Variants in MFSD8 observed in about 807,000 individuals in gnomAD.
MFSD8 encodes the protein major facilitator superfamily domain containing 8, also known as major facilitator superfamily domain-containing protein 8.
MFSD8 carries 55 observed loss-of-function variants against 66.4 expected under a neutral mutation model. That is an observed-to-expected ratio of 0.83 (90% confidence interval 0.67 to 1.04). The LOEUF (loss-of-function observed/expected upper bound fraction) is 1.04, where lower values mean the gene tolerates loss of function less well. Among genes scored for constraint, MFSD8 ranks in the 50% least tolerant of loss-of-function variants. MFSD8 has a pLI of 0.00. For synonymous variants in MFSD8, 202 were observed against 212.8 expected (o/e 0.95, Z 0.44); for missense variants, 550 against 627.6 (o/e 0.88, Z 1.32).
chr4:127,920,003 T>C lies in MFSD8; in HGVS notation c.*627A>G, dbSNP rs2148835427. The C allele has an allele frequency of 6.4e-6, 1 of 155,996 alleles. No individual in the cohort carries two copies. Among genetic ancestry groups the C allele is most frequent in the Non-Finnish European group, 1.4e-5 (1 of 70,482 alleles). 9.7% of individuals were successfully genotyped at this position (155,996 alleles called of 1,614,324 possible). A position where few individuals can be genotyped will look rare whatever the true frequency, so the allele number is the denominator to read the frequency against. ...AGCATTATCCATACTCATTTATTAA[T>C]GTAGGGGTTACTTAGTGAAACCCTG... On this transcript the variant is annotated 3_prime_UTR_variant, in exon 12 of 12. Coordinates refer to ENST00000641686, the MANE Select transcript of MFSD8 (RefSeq NM_001371596.2).
rs141422574 is a variant in MFSD8, at chr4:127,921,927, G to A, written c.1035C>T (p.Ile345=). 3.7e-6 allele frequency: 6 copies of A among 1,613,966 alleles called. No individual in the cohort carries two copies. Among genetic ancestry groups the A allele is most frequent in the African/African-American group, 2.7e-5 (2 of 74,890 alleles). Reference sequence around the variant, plus strand: ...AGATAAAGAAGCCAACCCATACAACGATGAGTCCTCCCAGTAGAATAGCAC... The same window carrying A: ...AGATAAAGAAGCCAACCCATACAACAATGAGTCCTCCCAGTAGAATAGCAC... ...GERAILLGGL[I]VVWVGFFILL... Residue 345 remains isoleucine (I), a synonymous_variant, in exon 10 of 12, where the codon ATC becomes ATT. Coordinates refer to ENST00000641686, the MANE Select transcript of MFSD8 (RefSeq NM_001371596.2).
rs1736093163 is a variant in MFSD8, at chr4:127,919,199, T to A, written c.*1431A>T. The stretch of plus-strand genomic sequence containing the variant: ...GCATAAAGTGCAGATTATACAGTTT[T>A]AAATTTTTGTTTTTATTTTTTGTAA... On this transcript the variant is annotated 3_prime_UTR_variant, in exon 12 of 12. Transcript: ENST00000641686. 1 of 152,178 alleles carries A rather than the reference T, an allele frequency of 6.6e-6. No individual in the cohort carries two copies. Among genetic ancestry groups the A allele is most frequent in the South Asian group, 2.1e-4 (1 of 4,830 alleles). 9.4% of individuals were successfully genotyped at this position (152,178 alleles called of 1,614,324 possible).
chr4:127,951,879 C>T (rs1237877653), intron 2 of MFSD8, among the ~76,000 whole-genome samples: 1 of 151,720 alleles, frequency 6.6e-6, no homozygotes, highest in Admixed American at 6.6e-5. Flanking sequence ...CAAGCACGTG[C>T]CACCACACCC....
chr4:127,930,822 G>GAAA lies in MFSD8; in HGVS notation c.864-8_864-6dup. On this transcript the variant is annotated splice_polypyrimidine_tract_variant and splice_region_variant and intron_variant, in intron 8 of 11. Coordinates refer to ENST00000641686, the MANE Select transcript of MFSD8 (RefSeq NM_001371596.2). ...ATTGTTAATGGAGTAATGATGCTAA[G>GAAA]AAAAAAAAAATTATTCTTATTTTAT... The GAAA allele has an allele frequency of 6.4e-7, 1 of 1,552,002 alleles. No individual in the cohort carries two copies. The highest frequency in any genetic ancestry group is 1.2e-5 in the South Asian group (1 of 82,730).
At chr4:127,957,280 T>C (rs2148971566) in intron 2 of MFSD8, among the ~76,000 whole-genome samples, 1 of 152,060 alleles carries the variant, frequency 6.6e-6, no homozygotes, top group East Asian at 1.9e-4. Context: ...GGGTATAGAG[T>C]TTCTCTTTTG....
chr4:127,935,434 T>A (rs1738904317), intron 7 of MFSD8, among the ~76,000 whole-genome samples: 2 of 152,234 alleles, frequency 1.3e-5, no homozygotes, highest in East Asian at 1.9e-4. Flanking sequence ...ACACATTTTT[T>A]AAAAGACTAC....
intron 1 of MFSD8, among the ~76,000 whole-genome samples, chr4:127,962,146 G>C (rs959261632): frequency 1.3e-5 from 2 of 152,142 alleles, no homozygotes; most frequent in Non-Finnish European, 2.9e-5. Flanking sequence ...AAAAGCAGAC[G>C]TAAGTACTTA....
Position 127,939,930 on chromosome 4 carries a change from T to C in MFSD8, c.621A>G (p.Ile207Met), listed in dbSNP as rs749064699. Residue 207 changes from isoleucine to methionine, a missense_variant, in exon 6 of 12, where the codon ATA becomes ATG. Transcript: ENST00000641686. Reference protein sequence around the residue: ...GVTWDVIKLQINMYTTPVLLS... With the variant: ...GVTWDVIKLQMNMYTTPVLLS... ...GTAAAACTGGTGTTGTATACATGTT[T>C]ATCTGCAGTTTAATCACATCCCATG... 6.8e-6 allele frequency: 11 copies of C among 1,613,662 alleles called. No individual in the cohort carries two copies. The highest frequency in any genetic ancestry group is 8.5e-6 in the Non-Finnish European group (10 of 1,179,732).
At chr4:127,955,539 C>CAAAAAA (rs34570244) in intron 2 of MFSD8, among the ~76,000 whole-genome samples, 9 of 102,594 alleles carry the variant, frequency 8.8e-5, no homozygotes, top group East Asian at 5.7e-4. Flanking sequence ...GACTTTGTCT[C>CAAAAAA]AAAAAAAAAA....
chr4:127,963,883 T>C (rs1429353611), intron 1 of MFSD8, among the ~76,000 whole-genome samples: 2 of 152,144 alleles, frequency 1.3e-5, no homozygotes, highest in Non-Finnish European at 2.9e-5. Flanking sequence ...GACAGGGCGC[T>C]GATTGGTGCG....
At chr4:127,939,707 T>G in intron 6 of MFSD8, 146 bp downstream of exon 6, 1 of 752,616 alleles carries the variant, frequency 1.3e-6, no homozygotes, top group Non-Finnish European at 2.1e-6. Flanking sequence ...ATTACATGCT[T>G]TAGTACTACC....
Position 127,921,656 on chromosome 4 carries a change from G to A in MFSD8, c.1218C>T (p.Ala406=), listed in dbSNP as rs753832653. The A allele has an allele frequency of 2.4e-5, 38 of 1,614,036 alleles. No homozygotes were observed. Among genetic ancestry groups the A allele is most frequent in the South Asian group, 5.5e-5 (5 of 91,086 alleles). The change falls in exon 11 of 12, where the codon GCC becomes GCT. Residue 406 remains alanine (A), a synonymous_variant. Transcript: ENST00000641686. ...GAATCACCGGGGTGTAGAGGCACCA[G>A]GCTTGTTCAATCGAGCAACCAGTTG... ...ERPTGCSIEQ[A]WCLYTPVIHL...
intron 9 of MFSD8, among the ~76,000 whole-genome samples, chr4:127,922,587 T>C (rs773904137): frequency 6.6e-6 from 1 of 151,240 alleles, no homozygotes; most frequent in African/African-American, 2.4e-5. Flanking sequence ...ATGGCACCAC[T>C]GCACTCCAAA....
chr4:127,937,914 G>T (rs903680134), intron 7 of MFSD8, among the ~76,000 whole-genome samples: 2 of 152,058 alleles, frequency 1.3e-5, no homozygotes, highest in Non-Finnish European at 2.9e-5. Context: ...ACTACTGAGG[G>T]CCAGGATCAG....
chr4:127,948,027 G>A (rs911055380), intron 3 of MFSD8, among the ~76,000 whole-genome samples: 11 of 152,120 alleles, frequency 7.2e-5, no homozygotes, highest in Admixed American at 6.6e-4. Context: ...CAGAAGCTAA[G>A]AGGTGGTGCC....
Position 127,954,533 on chromosome 4 carries a change from T to C in MFSD8, c.154+2968A>G, listed in dbSNP as rs28653403. Among the ~76,000 whole-genome samples the C allele has an allele frequency of 3.9e-3, 592 of 152,266 alleles. 3 individuals carry two copies. The highest frequency in any genetic ancestry group is 0.01 in the African/African-American group (426 of 41,544). The stretch of plus-strand genomic sequence containing the variant: ...AGGGAGGCTGAGGCACAAGCATAGC[T>C]TGAACCCGAAAGCGGGAGGTTGCAG... On this transcript the variant is annotated intron_variant, in intron 2 of 11. Transcript: ENST00000641686.
chr4:127,929,035 T>A (rs1270009702), intron 9 of MFSD8, among the ~76,000 whole-genome samples: 1 of 151,864 alleles, frequency 6.6e-6, no homozygotes, highest in East Asian at 1.9e-4. Flanking sequence ...AAAAAGTGAA[T>A]CTCAGGTCGG....
At chr4:127,924,500 A>T (rs192043975) in intron 9 of MFSD8, among the ~76,000 whole-genome samples, 94 of 152,336 alleles carry the variant, frequency 6.2e-4, no homozygotes, top group African/African-American at 2.2e-3. Context: ...ATTGCTGCAA[A>T]GAGAATAAAA....
At chr4:127,945,221 T>C (rs547075743) in intron 3 of MFSD8, 1 of 152,342 alleles carries the variant, frequency 6.6e-6, no homozygotes, top group Non-Finnish European at 1.5e-5. Flanking sequence ...TTTTAGGAAA[T>C]AAATTTAAAC....
Sources: allele counts gnomAD v4.1 joint callset (sites outside exome capture counted in the v4.1 genomes callset), GRCh38; gene constraint gnomAD v4.1.1; transcripts MANE v1.5; gene names NCBI Gene and HGNC (gene_info 2026-07-23, HGNC 2026-07-21).